Variants in PCDHA10 observed in about 807,000 individuals in gnomAD.
The protein encoded by PCDHA10 is protocadherin alpha 10.
A neutral mutation model predicts 61.2 loss-of-function variants in PCDHA10; 45 were observed. The observed-to-expected ratio is 0.74, with a 90% CI of 0.58 to 0.94. PCDHA10 has a LOEUF of 0.94. PCDHA10 is among the 40% of genes least tolerant of loss of function. The pLI, the probability that PCDHA10 is intolerant of heterozygous loss-of-function variation, is 0.00. For missense variants in PCDHA10, 1,278 were observed against 1,236.2 expected, an observed-to-expected ratio of 1.03 and a Z score of -0.51; for synonymous variants, 602 against 548.8, an observed-to-expected ratio of 1.10 and a Z score of -1.35.
At chr5:140,870,439 G>A (rs374343977) in intron 1 of PCDHA10, 5 of 1,614,126 alleles carry the variant, frequency 3.1e-6, no homozygotes, top group African/African-American at 2.7e-5. Flanking sequence ...GGAGGTGGCC[G>A]ACGTGAACGA....
In PCDHA10 at chr5:141,009,724, T is replaced by A. The variant is rs1554262325; in HGVS notation, c.2634T>A (p.Gly878=). The change falls in exon 4 of 4, where the codon GGT becomes GGA. Residue 878 remains glycine (G), a synonymous_variant. Transcript: ENST00000307360. ...KYGPGNPKQS[G]PGELPDKFII... is the part of the protein sequence containing the mutation. ...GACCAGGCAACCCCAAACAATCCGG[T>A]CCCGGTGAGTTGCCCGACAAATTCA... 6.2e-7 allele frequency: 1 copy of A among 1,614,116 alleles called. No individual in the cohort carries two copies. The highest frequency in any genetic ancestry group is 2.2e-5 in the East Asian group (1 of 44,868).
At chr5:140,976,523 C>T in intron 1 of PCDHA10, among the ~76,000 whole-genome samples, 1 of 151,724 alleles carries the variant, frequency 6.6e-6, no homozygotes. Flanking sequence ...TGCACACCAG[C>T]CTAAATGACA....
intron 1 of PCDHA10, among the ~76,000 whole-genome samples, chr5:140,943,736 A>G (rs913454195): frequency 3.3e-5 from 5 of 152,266 alleles, no homozygotes; most frequent in Non-Finnish European, 7.3e-5. Context: ...ATGAAAGTCC[A>G]CAGTCTAAAA....
In PCDHA10 at chr5:140,965,644, G is replaced by C. The variant is rs201197561; in HGVS notation, c.2389-13305G>C. On this transcript the variant is annotated intron_variant, in intron 1 of 3. Transcript: ENST00000307360. Reference sequence around the variant, plus strand: ...AAAGAAAAAATTTTAAATTACTCTTGAAAGAAAATGTCTTGGGTGATAAAT... The same window carrying C: ...AAAGAAAAAATTTTAAATTACTCTTCAAAGAAAATGTCTTGGGTGATAAAT... Among the ~76,000 whole-genome samples, 13 of 152,146 alleles carry C rather than the reference G, an allele frequency of 8.5e-5. No individual in the cohort carries two copies. The East Asian group carries it at 2.5e-3, about 29-fold the overall frequency.
At chr5:140,994,214 G>A (rs2153923643) in intron 3 of PCDHA10, among the ~76,000 whole-genome samples, 1 of 152,296 alleles carries the variant, frequency 6.6e-6, no homozygotes, top group South Asian at 2.1e-4. Flanking sequence ...ATGGGACCCA[G>A]GGTCTGTCTA....
chr5:140,930,338 A>T (rs2086745230), intron 1 of PCDHA10: 1 of 152,214 alleles, frequency 6.6e-6, no homozygotes, highest in African/African-American at 2.4e-5. Flanking sequence ...AATGAAAGTT[A>T]AGTGATTCAA....
chr5:140,881,465 G>A, intron 1 of PCDHA10: 1 of 597,254 alleles, frequency 1.7e-6, no homozygotes, highest in Non-Finnish European at 2.1e-6. Flanking sequence ...TTAGAGCATT[G>A]TTGTGGCTAA....
chr5:140,951,762 A>G (rs2094630710), intron 1 of PCDHA10, among the ~76,000 whole-genome samples: 1 of 152,090 alleles, frequency 6.6e-6, no homozygotes, highest in Non-Finnish European at 1.5e-5. Flanking sequence ...GCGAAATCTC[A>G]TGACGTTCTT....
intron 1 of PCDHA10, among the ~76,000 whole-genome samples, chr5:140,955,446 A>G (rs574900327): frequency 6.6e-6 from 1 of 152,194 alleles, no homozygotes; most frequent in Non-Finnish European, 1.5e-5. Context: ...TGATGGTTTT[A>G]TAAGGGCTTT....
At chr5:140,880,796 T>C (rs538689350) in intron 1 of PCDHA10, among the ~76,000 whole-genome samples, 4 of 152,180 alleles carry the variant, frequency 2.6e-5, no homozygotes, top group Non-Finnish European at 5.9e-5. Context: ...GTAATATAAA[T>C]AGGTGAATGA....
chr5:140,937,219 T>C lies in PCDHA10; in HGVS notation c.2389-41730T>C, dbSNP rs555881657. Among the ~76,000 whole-genome samples the C allele has an allele frequency of 5.4e-3, 826 of 151,832 alleles. 4 individuals are homozygous for C. Among genetic ancestry groups the C allele is most frequent in the African/African-American group, 0.019 (796 of 41,458 alleles). ...TGCCCGGCTAATTTTTTGTATTTTT[T>C]GTAGAGACGGGGTTTCACCGTGTTA... On this transcript the variant is annotated intron_variant, in intron 1 of 3. Coordinates refer to ENST00000307360, the MANE Select transcript of PCDHA10 (RefSeq NM_018901.4).
intron 1 of PCDHA10, 177 bp downstream of exon 1, chr5:140,858,613 T>A (rs953930839): frequency 8.3e-7 from 1 of 1,208,634 alleles, no homozygotes; most frequent in Non-Finnish European, 1.1e-6. Context: ...AATTTTTTTA[T>A]CCTACCCAGT....
At chr5:140,966,818 C>T in intron 1 of PCDHA10, 1 of 1,554,294 alleles carries the variant, frequency 6.4e-7, no homozygotes, top group Admixed American at 1.9e-5. Flanking sequence ...ACGGCTCCGG[C>T]GGCCCATGCC....
intron 1 of PCDHA10, chr5:140,864,420 G>A (rs1430010861): frequency 5.3e-5 from 8 of 152,158 alleles, no homozygotes; most frequent in African/African-American, 1.4e-4. Flanking sequence ...AGGCAGCTTC[G>A]TCCACAAACA....
At chr5:140,924,312 T>G (rs752006188) in intron 1 of PCDHA10, among the ~76,000 whole-genome samples, 84 of 152,338 alleles carry the variant, frequency 5.5e-4, no homozygotes, top group Non-Finnish European at 7.9e-4. Context: ...TCCTTTAATT[T>G]TATCTGAGAC....
chr5:140,990,199 G>A (rs1308811962), intron 3 of PCDHA10, among the ~76,000 whole-genome samples: 1 of 152,132 alleles, frequency 6.6e-6, no homozygotes, highest in East Asian at 1.9e-4. Context: ...ATGTGGACCC[G>A]AAAGAGAACA....
At chr5:140,918,232 A>G (rs2078581718) in intron 1 of PCDHA10, among the ~76,000 whole-genome samples, 1 of 152,166 alleles carries the variant, frequency 6.6e-6, no homozygotes, top group African/African-American at 2.4e-5. Flanking sequence ...ATTTTTGTAC[A>G]TTGATTTTGT....
At chr5:140,967,022 A>G (rs2096084806) in intron 1 of PCDHA10, 1 of 1,608,014 alleles carries the variant, frequency 6.2e-7, no homozygotes, top group Middle Eastern at 1.7e-4. Context: ...GGGTGCGCCC[A>G]GTCCGCGCTA....
chr5:140,884,656 G>T (rs782439139), intron 1 of PCDHA10: 8 of 1,602,178 alleles, frequency 5.0e-6, no homozygotes, highest in Non-Finnish European at 6.8e-6. Flanking sequence ...CAGAATGCTT[G>T]AAAGAGGTAA....
Sources: gnomAD v4.1 joint callset for allele counts (sites outside exome capture counted in the v4.1 genomes callset) on GRCh38, gnomAD v4.1.1 for gene constraint, MANE v1.5 for transcripts, NCBI Gene and HGNC (gene_info 2026-07-23, HGNC 2026-07-21) for gene names.